The following F8 variants were observed in gnomAD, a reference collection of about 807,000 sequenced individuals.
The protein encoded by F8 is antihemophilic factor.
Under a neutral mutation model 140.6 loss-of-function variants are expected in F8, and 12 were observed. The observed-to-expected ratio is 0.09, with a 90% CI of 0.05 to 0.14. F8 has a LOEUF of 0.14. F8 is among the 10% of genes least tolerant of loss of function. The pLI, the probability that F8 is intolerant of heterozygous loss-of-function variation, is 1.00. For missense variants in F8, 1,354 were observed against 1,720.7 expected (o/e 0.79, Z 3.77); for synonymous variants, 585 against 614.6 (o/e 0.95, Z 0.71).
In F8 at chrX:154,847,385, A is replaced by G. The variant is rs1330598109; in HGVS notation, c.6901-9633T>C. Among the ~76,000 whole-genome samples, 7 of 112,009 alleles carry G rather than the reference A, an allele frequency of 6.2e-5. No individual in the cohort carries two copies. The South Asian group carries it at 2.6e-3, about 42-fold the overall frequency. ...ATAATATCCTGCAGAGTGTTTTCCA[A>G]CTTGGTTCCATTCTCCCTGTCACTT... On this transcript the variant is annotated intron_variant, in intron 25 of 25. Coordinates refer to ENST00000360256, the MANE Select transcript of F8 (RefSeq NM_000132.4).
intron 6 of F8, among the ~76,000 whole-genome samples, chrX:154,982,609 G>A (rs2073535184): frequency 9.1e-6 from 1 of 110,233 alleles, no homozygotes; most frequent in Admixed American, 9.6e-5. Flanking sequence ...ACCATACATG[G>A]CACCATTCCC....
chrX:154,992,338 A>T (rs1557284741), intron 4 of F8, among the ~76,000 whole-genome samples: 1 of 112,514 alleles, frequency 8.9e-6, no homozygotes, highest in Non-Finnish European at 1.9e-5. Flanking sequence ...TTCACCATAA[A>T]AAATAGGATA....
chrX:154,909,118 TC>T, intron 14 of F8: 1 of 283,752 alleles, frequency 3.5e-6, no homozygotes. Context: ...GCCCACATTG[TC>T]CCCAAGAAGA....
intron 22 of F8, among the ~76,000 whole-genome samples, chrX:154,868,944 G>A (rs1210957214): frequency 1.8e-5 from 2 of 110,695 alleles, no homozygotes; most frequent in Non-Finnish European, 3.8e-5. Context: ...GACCAAAAGA[G>A]ACAAAGAAGA....
rs782216863 is a variant in F8, at chrX:154,966,604, A to G, written c.1093T>C (p.Tyr365His). 17 of 1,209,034 alleles carry G rather than the reference A, an allele frequency of 1.4e-5. No homozygotes were observed. The highest frequency in any genetic ancestry group is 3.4e-6 in the Non-Finnish European group (3 of 894,596). ...TCAGAATCAGTAAGATCATCATCAT[A>G]GTCTTCCGCTTCTTCATTATTTTTC... is the stretch of plus-strand genomic sequence containing the variant. ...RMKNNEEAED[Y>H]DDDLTDSEMD... The change falls in exon 8 of 26, where the codon TAT (tyrosine) becomes CAT (histidine). Residue 365 changes from tyrosine to histidine, a missense_variant. Transcript: ENST00000360256.
chrX:154,973,198 T>C (rs1452675661), intron 6 of F8, among the ~76,000 whole-genome samples: 1 of 112,589 alleles, frequency 8.9e-6, no homozygotes, highest in African/African-American at 3.2e-5. Flanking sequence ...TCTATTTTGT[T>C]CTATTGGTCT....
chrX:155,020,416 T>C (rs940630659), intron 1 of F8, among the ~76,000 whole-genome samples: 21 of 112,225 alleles, frequency 1.9e-4, no homozygotes, highest in Non-Finnish European at 3.9e-4. Context: ...GTAAACATCT[T>C]GCAAGAAAAT....
chrX:154,947,484 CAAA>C (rs2073312617), intron 13 of F8, among the ~76,000 whole-genome samples: 1 of 110,822 alleles, frequency 9.0e-6, no homozygotes, highest in Non-Finnish European at 1.9e-5. Context: ...GGAGGTTCCT[CAAA>C]AAACTAAAAA....
chrX:154,864,541 A>G (rs1390843715), intron 22 of F8, among the ~76,000 whole-genome samples: 1 of 112,641 alleles, frequency 8.9e-6, no homozygotes, highest in Non-Finnish European at 1.9e-5. Flanking sequence ...AAGAAGCTCA[A>G]TTAGCTACAA....
chrX:154,846,285 G>A (rs1172568446), intron 25 of F8, among the ~76,000 whole-genome samples: 3 of 111,906 alleles, frequency 2.7e-5, no homozygotes. Flanking sequence ...GAGTTCTGTA[G>A]ATGTCTATTA....
chrX:154,944,269 A>G (rs1455335377), intron 13 of F8, among the ~76,000 whole-genome samples: 1 of 108,930 alleles, frequency 9.2e-6, no homozygotes, highest in Non-Finnish European at 1.9e-5. Context: ...CAACCTACTC[A>G]TCTGACAAAG....
Position 154,906,580 on chromosome X carries a change from A to G in F8, c.5220-7T>C. 2 of 1,208,731 alleles carry G rather than the reference A, an allele frequency of 1.7e-6. No homozygotes were observed. Among genetic ancestry groups the G allele is most frequent in the Non-Finnish European group, 1.1e-6 (1 of 893,357 alleles). On this transcript the variant is annotated splice_polypyrimidine_tract_variant and splice_region_variant and intron_variant, in intron 14 of 25. Transcript: ENST00000360256. ...GACACTGCCACTCTGAGCCCTGGAG[A>G]AAAAAAGCAGAGGAAAAGCAATAAT...
intron 1 of F8, among the ~76,000 whole-genome samples, chrX:155,003,915 C>T (rs1164241647): frequency 1.0e-5 from 1 of 97,873 alleles, no homozygotes. Context: ...GAGCCGAGTT[C>T]GCGCCACTGC....
At chrX:154,925,604 G>A (rs2124042210) in intron 14 of F8, among the ~76,000 whole-genome samples, 1 of 112,676 alleles carries the variant, frequency 8.9e-6, no homozygotes, top group Non-Finnish European at 1.9e-5. Context: ...AGTCAAAGGA[G>A]ATCACTTTAG....
Position 154,837,529 on chromosome X carries a change from G to C in F8, c.*68C>G. The stretch of plus-strand genomic sequence containing the variant: ...AGCACAAAGGTAGAAGGCAAGCCAG[G>C]GAGGGACACTGCCCTGGAGCTGAGG... On this transcript the variant is annotated 3_prime_UTR_variant, in exon 26 of 26. Transcript: ENST00000360256. 8.8e-7 allele frequency: 1 copy of C among 1,133,345 alleles called. No homozygotes were observed. Among genetic ancestry groups the C allele is most frequent in the Non-Finnish European group, 1.2e-6 (1 of 840,290 alleles). The allele number at this position is 1,133,345 out of a possible 1,213,427, so 93.4% of individuals were successfully genotyped here. A position where few individuals can be genotyped will look rare whatever the true frequency, so the allele number is the denominator to read the frequency against.
At chrX:154,965,801 A>G (rs376281290) in intron 9 of F8, 169 bp downstream of exon 9, 3 of 480,988 alleles carry the variant, frequency 6.2e-6, no homozygotes, top group East Asian at 7.5e-5. Context: ...TTTTTATTCT[A>G]TATACTCAAA....
rs1196698870 is a variant in F8 at position 155,022,663 on chromosome X, C to T, written c.-111G>A. On this transcript the variant is annotated 5_prime_UTR_variant, in exon 1 of 26. Transcript: ENST00000360256. Reference sequence around the variant, plus strand: ...TAAAATTTCTGATTTAATGAAAAGTCCCAATTTCTTTGCAGAGCATTTTAA... The same window carrying T: ...TAAAATTTCTGATTTAATGAAAAGTTCCAATTTCTTTGCAGAGCATTTTAA... 3 of 1,178,117 alleles carry T rather than the reference C, an allele frequency of 2.5e-6. No individual in the cohort carries two copies. Among genetic ancestry groups the T allele is most frequent in the African/African-American group, 1.8e-5 (1 of 56,212 alleles).
intron 14 of F8, among the ~76,000 whole-genome samples, chrX:154,913,356 G>A (rs1557276885): frequency 9.0e-6 from 1 of 111,185 alleles, no homozygotes; most frequent in African/African-American, 3.3e-5. Flanking sequence ...CAAACCATAT[G>A]TTTCCACCCA....
chrX:154,907,682 G>T (rs782708726), intron 14 of F8, among the ~76,000 whole-genome samples: 1 of 111,892 alleles, frequency 8.9e-6, no homozygotes, highest in East Asian at 2.8e-4. Context: ...GTCCTCTTTT[G>T]TGGAGCACCT....
Sources: gnomAD v4.1 joint callset for allele counts (sites outside exome capture counted in the v4.1 genomes callset) on GRCh38, gnomAD v4.1.1 for gene constraint, MANE v1.5 for transcripts, NCBI Gene and HGNC (gene_info 2026-07-23, HGNC 2026-07-21) for gene names.